The following PPRC1 variants were observed in gnomAD, a reference collection of about 807,000 sequenced individuals.
PPRC1 encodes the protein peroxisome proliferator-activated receptor gamma coactivator-related protein 1.
Under a neutral mutation model 132.5 loss-of-function variants are expected in PPRC1, and 23 were observed. The ratio of observed to expected loss-of-function variants is 0.17; its 90% CI spans 0.12 to 0.25. The LOEUF (loss-of-function observed/expected upper bound fraction) is 0.25. PPRC1 is among the 10% of genes least tolerant of loss of function. The pLI, the probability that PPRC1 is intolerant of heterozygous loss-of-function variation, is 1.00. For synonymous variants in PPRC1, 872 were observed against 833.5 expected (o/e 1.05, Z -0.80); for missense variants, 2,006 against 2,089.1 (o/e 0.96, Z 0.78).
chr10:102,141,572 C>T lies in PPRC1; in HGVS notation c.3064C>T (p.Pro1022Ser). ...ACCTAAAATGGAGTCTAGGGGCACT[C>T]CAGCTGGCCCTCCTGAAAATGTACT... ...PQPKMESRGTPAGPPENVLPL... is the reference protein window; with the variant it reads ...PQPKMESRGTSAGPPENVLPL... The change falls in exon 5 of 14, where the codon CCA (proline) becomes TCA (serine). Residue 1022 changes from proline to serine, a missense_variant. Pro to Ser is a moderately conservative substitution (Grantham distance 74). Coordinates refer to ENST00000278070, the MANE Select transcript of PPRC1 (RefSeq NM_015062.5). 6.2e-7 allele frequency: 1 copy of T among 1,614,132 alleles called. No individual in the cohort carries two copies. The highest frequency in any genetic ancestry group is 1.7e-5 in the Admixed American group (1 of 60,028).
At chr10:102,143,751 A>G (rs2069100459) in intron 6 of PPRC1, among the ~76,000 whole-genome samples, 1 of 152,214 alleles carries the variant, frequency 6.6e-6, no homozygotes, top group Non-Finnish European at 1.5e-5. Flanking sequence ...GGGTAGGTAT[A>G]GGAAGAATGG....
In PPRC1 at chr10:102,148,476, G is replaced by A. The variant is rs752900930; in HGVS notation, c.4505G>A (p.Arg1502His). Residue 1502 changes from arginine to histidine, a missense_variant, in exon 10 of 14, where the codon CGC becomes CAC. Physicochemically the swap from Arg to His is conservative, Grantham distance 29. Coordinates refer to ENST00000278070, the MANE Select transcript of PPRC1 (RefSeq NM_015062.5). The surrounding 1 kb of genome is among the most constrained non-coding windows in gnomAD (Gnocchi z 4.2). ...TCCTCATCATCCAGTTCTCGAAGCC[G>A]CTCACGATCCCCATCCCCCCGCCGG... ...SSSSSSSSRS[R>H]SRSPSPRRRS... 1.5e-5 allele frequency: 24 copies of A among 1,612,544 alleles called. No homozygotes were observed. Among genetic ancestry groups the A allele is most frequent in the South Asian group, 1.4e-4 (13 of 91,060 alleles).
chr10:102,145,084 G>A lies in PPRC1; in HGVS notation c.3673G>A (p.Val1225Met), dbSNP rs530226906. The A allele has an allele frequency of 6.2e-7, 1 of 1,613,524 alleles. No individual in the cohort carries two copies. Among genetic ancestry groups the A allele is most frequent in the Non-Finnish European group, 8.5e-7 (1 of 1,179,426 alleles). ...GTTACAAGCCCCAGAACTGGCCAAC[G>A]TGGCAGGTGGGTTCAGGGTGGGGAA... is the stretch of plus-strand genomic sequence containing the variant. Reference protein sequence around the residue: ...DRLQAPELANVAGLTPPATPP... With the variant: ...DRLQAPELANMAGLTPPATPP... Residue 1225 changes from valine to methionine, a missense_variant, in exon 8 of 14, where the codon GTG (valine) becomes ATG (methionine). By Grantham distance (21) the Val-to-Met change is conservative (BLOSUM62 1). Coordinates refer to ENST00000278070, the MANE Select transcript of PPRC1 (RefSeq NM_015062.5).
At chr10:102,143,619 A>T (rs2069094921) in intron 6 of PPRC1, among the ~76,000 whole-genome samples, 2 of 149,496 alleles carry the variant, frequency 1.3e-5, no homozygotes, top group African/African-American at 2.5e-5. Flanking sequence ...AAAAAAAAAA[A>T]GGAATCCAAG....
At position 102,134,491 on chromosome 10, in the gene PPRC1, C is replaced by T. The variant is rs776189442; in HGVS notation, c.153+1270C>T. Among the ~76,000 whole-genome samples, 9 of 152,214 alleles carry T rather than the reference C, an allele frequency of 5.9e-5. No individual in the cohort carries two copies. In the East Asian group the frequency reaches 1.2e-3, roughly 20 times the overall value. On this transcript the variant is annotated intron_variant, in intron 1 of 13. Transcript: ENST00000278070. The stretch of plus-strand genomic sequence containing the variant: ...GGGCAGGAATTAGTTTGAACTGTTA[C>T]CTCTCTTAAACAATTAAGCTGAGTC...
chr10:102,143,415 A>G (rs1205361766), intron 6 of PPRC1, among the ~76,000 whole-genome samples: 1 of 152,080 alleles, frequency 6.6e-6, no homozygotes, highest in Non-Finnish European at 1.5e-5. Context: ...CCTGGCCAAC[A>G]TGGTGAAACC....
Position 102,138,888 on chromosome 10 carries a change from C to T in PPRC1, c.499C>T (p.Leu167=), listed in dbSNP as rs2068825488. The T allele has an allele frequency of 1.9e-6, 3 of 1,614,094 alleles. No homozygotes were observed. The highest frequency in any genetic ancestry group is 2.5e-6 in the Non-Finnish European group (3 of 1,179,972). ...TTTCTTTCCCTCTTAGCTGCACAAG[C>T]TGCTTACTCTCTCTCGGACACCCCC... is the stretch of plus-strand genomic sequence containing the variant. ...SPREGSSLHK[L]LTLSRTPPER... Residue 167 remains leucine (L), a synonymous_variant, in exon 4 of 14, where the codon CTG becomes TTG. Transcript: ENST00000278070.
In PPRC1 at chr10:102,146,939, AGGTGGG is replaced by A. The variant is rs2069273501; in HGVS notation, c.3948_3953del (p.Glu1316_Gly1318delinsAsp). 6.2e-7 allele frequency: 1 copy of A among 1,614,050 alleles called. No homozygotes were observed. The highest frequency in any genetic ancestry group is 8.5e-7 in the Non-Finnish European group (1 of 1,179,994). ...AAGATGCCTGCCCTAGTCATTCCAG[AGGTGGG>A]CTCCCGATGGAATGTCAAGCGCCAT... On this transcript the variant is annotated inframe_deletion, in exon 9 of 14. Transcript: ENST00000278070.
intron 6 of PPRC1, 22 bp from the exon 7 acceptor site, chr10:102,144,228 A>G: frequency 6.2e-7 from 1 of 1,613,626 alleles, no homozygotes; most frequent in Non-Finnish European, 8.5e-7. Flanking sequence ...TTGGGCTTTT[A>G]ACTAGTATGG....
intron 8 of PPRC1, among the ~76,000 whole-genome samples, chr10:102,146,034 A>G (rs2069231146): frequency 6.6e-6 from 1 of 152,210 alleles, no homozygotes; most frequent in Non-Finnish European, 1.5e-5. Context: ...AGCATCTTGA[A>G]TGAACTGAAG....
rs772126504 is a variant in PPRC1, at chr10:102,148,277, C to T, written c.4401-95C>T. ...ACTCTGCTTTGTCTTTGGTCCTGAG[C>T]TTCCTAAAAGAAAGGCAGGACTGGG... On this transcript the variant is annotated intron_variant, in intron 9 of 13. Transcript: ENST00000278070. This position sits in a 1 kb window ranked among gnomAD's most constrained non-coding sequence, Gnocchi z 4.2. The T allele has an allele frequency of 1.4e-6, 2 of 1,420,712 alleles. No homozygotes were observed. The highest frequency in any genetic ancestry group is 1.9e-6 in the Non-Finnish European group (2 of 1,039,046). The allele number at this position is 1,420,712 out of a possible 1,614,324, so 88.0% of individuals were successfully genotyped here. A position where few individuals can be genotyped will look rare whatever the true frequency, so the allele number is the denominator to read the frequency against.
chr10:102,130,795 G>A (rs1275934408), upstream of PPRC1, among the ~76,000 whole-genome samples: 3 of 152,146 alleles, frequency 2.0e-5, no homozygotes, highest in Non-Finnish European at 2.9e-5. Context: ...GCTGACACCT[G>A]TAATCCCAAC....
At position 102,139,744 on chromosome 10, in the gene PPRC1, G is replaced by A; in HGVS notation, c.1236G>A (p.Glu412=). The A allele has an allele frequency of 2.5e-6, 4 of 1,614,152 alleles. No individual in the cohort carries two copies. Among genetic ancestry groups the A allele is most frequent in the Non-Finnish European group, 3.4e-6 (4 of 1,180,040 alleles). Residue 412 remains glutamate, a synonymous_variant, in exon 5 of 14, where the codon GAG becomes GAA. Coordinates refer to ENST00000278070, the MANE Select transcript of PPRC1 (RefSeq NM_015062.5). Reference sequence around the variant, plus strand: ...AGGTAACCCTCTGCTCTGAGAAAGAGGGGTTGTCATTGAACTCAGAGGAGA... The same window carrying A: ...AGGTAACCCTCTGCTCTGAGAAAGAAGGGTTGTCATTGAACTCAGAGGAGA... ...VPKVTLCSEK[E]GLSLNSEEKL...
chr10:102,147,999 C>T (rs1590361225), intron 9 of PPRC1, among the ~76,000 whole-genome samples: 1 of 152,118 alleles, frequency 6.6e-6, no homozygotes, highest in Non-Finnish European at 1.5e-5. Flanking sequence ...GCAATAGTAA[C>T]CCAAAAGACC....
chr10:102,136,376 T>C (rs2068722954), intron 1 of PPRC1, among the ~76,000 whole-genome samples: 1 of 152,046 alleles, frequency 6.6e-6, no homozygotes, highest in Non-Finnish European at 1.5e-5. Context: ...TGGTGCGGAA[T>C]TTCACTTTGT....
At chr10:102,129,570 A>G (rs1173057820), upstream of PPRC1, among the ~76,000 whole-genome samples, 1 of 152,146 alleles carries the variant, frequency 6.6e-6, no homozygotes, top group Non-Finnish European at 1.5e-5. Flanking sequence ...CCTTATCACC[A>G]TAAACCAGTA....
At chr10:102,128,733 G>A (rs2068498830), upstream of PPRC1, among the ~76,000 whole-genome samples, 1 of 147,446 alleles carries the variant, frequency 6.8e-6, no homozygotes, top group South Asian at 2.2e-4. Context: ...TCCTGCCTCA[G>A]CCTCCTGAGT....
chr10:102,119,971 C>T, the PPRC1 span: 2 of 779,516 alleles, frequency 2.6e-6, no homozygotes, highest in Non-Finnish European at 3.7e-6. Flanking sequence ...CTTCCAGCCC[C>T]CGGCTTCCCC....
the PPRC1 span, among the ~76,000 whole-genome samples, chr10:102,122,453 C>G: frequency 7.0e-6 from 1 of 142,758 alleles, no homozygotes; most frequent in East Asian, 2.0e-4. Flanking sequence ...AATACGTGTT[C>G]TTTCTGCCCT....
Sources: gnomAD v4.1 joint callset for allele counts (sites outside exome capture counted in the v4.1 genomes callset) on GRCh38, gnomAD v4.1.1 for gene constraint, Gnocchi (gnomAD v3.1) non-coding constraint, MANE v1.5 for transcripts, NCBI Gene and HGNC (gene_info 2026-07-23, HGNC 2026-07-21) for gene names.